Variants in KCNN2 observed in about 807,000 individuals in gnomAD.
KCNN2 encodes potassium calcium-activated channel subfamily N member 2.
KCNN2 carries 24 observed loss-of-function variants against 55.5 expected under a neutral mutation model. That is an observed-to-expected ratio of 0.43 (90% CI 0.31 to 0.61). The LOEUF (loss-of-function observed/expected upper bound fraction) is 0.61. Ranked by LOEUF, KCNN2 falls within the 20% of genes least tolerant of loss-of-function variation. The pLI is 0.08. For synonymous variants in KCNN2, 431 were observed against 336.1 expected, an observed-to-expected ratio of 1.28 and a Z score of -3.09; for missense variants, 754 against 853.6, an observed-to-expected ratio of 0.88 and a Z score of 1.45.
At chr5:114,081,360 G>C (rs1483059722) in intron 1 of KCNN2, among the ~76,000 whole-genome samples, 1 of 152,072 alleles carries the variant, frequency 6.6e-6, no homozygotes, top group South Asian at 2.1e-4. Context: ...AAAAAAATGG[G>C]AAGACTCATA....
At chr5:114,056,357 C>G (rs1456233174) in exon 1 of KCNN2, 1 of 398,526 alleles carries the variant, frequency 2.5e-6, no homozygotes, top group Non-Finnish European at 4.4e-6. Flanking sequence ...CAGATGGAAA[C>G]AGTTTCTCCC....
chr5:114,116,838 G>A (rs1751717002), intron 1 of KCNN2, among the ~76,000 whole-genome samples: 1 of 152,066 alleles, frequency 6.6e-6, no homozygotes, highest in South Asian at 2.1e-4. Flanking sequence ...AGAATGATTG[G>A]ATATTAGGGA....
intron 2 of KCNN2, among the ~76,000 whole-genome samples, chr5:114,237,237 T>A (rs1754516790): frequency 6.7e-6 from 1 of 148,258 alleles, no homozygotes; most frequent in Non-Finnish European, 1.5e-5. Flanking sequence ...TTCCATCTCC[T>A]GATGTGGGTT....
At chr5:114,256,981 C>G (rs564542168) in intron 2 of KCNN2, among the ~76,000 whole-genome samples, 1 of 152,190 alleles carries the variant, frequency 6.6e-6, no homozygotes, top group African/African-American at 2.4e-5. Flanking sequence ...TCTTCTAGGA[C>G]TTTAATAGTT....
At chr5:114,208,712 G>A (rs550558771) in intron 1 of KCNN2, among the ~76,000 whole-genome samples, 1 of 152,268 alleles carries the variant, frequency 6.6e-6, no homozygotes, top group East Asian at 1.9e-4. Context: ...ACTAGGGTAA[G>A]CATCTTGTTT....
chr5:114,233,167 G>A (rs1029172901), intron 2 of KCNN2, among the ~76,000 whole-genome samples: 12 of 150,960 alleles, frequency 7.9e-5, no homozygotes, highest in Non-Finnish European at 1.5e-4. Flanking sequence ...TGATCCGCCC[G>A]CCTCGGCCTC....
At chr5:114,198,579 G>A (rs1753607424) in intron 1 of KCNN2, among the ~76,000 whole-genome samples, 2 of 151,796 alleles carry the variant, frequency 1.3e-5, no homozygotes, top group Non-Finnish European at 2.9e-5. Context: ...ACGTGTATAG[G>A]TATCATTTAA....
Position 114,362,648 on chromosome 5 carries a change from C to A in KCNN2, c.509C>A (p.Thr170Lys). Residue 170 changes from threonine to lysine, a missense_variant, in exon 1 of 8, where the codon ACG (threonine) becomes AAG (lysine). Thr to Lys is a moderately conservative substitution (Grantham distance 78). Transcript: ENST00000673685. ...CHSLQPAASP[T>K]GSLGSLGSGP... ...AGCCTGCAGCCCGCCGCCAGCCCCA[C>A]GGGCAGCCTCGGCAGTCTGGGCTCC... 2.3e-6 allele frequency: 3 copies of A among 1,299,598 alleles called. No individual in the cohort carries two copies. The highest frequency in any genetic ancestry group is 3.1e-6 in the Non-Finnish European group (3 of 980,354). The allele number at this position is 1,299,598 out of a possible 1,614,324, so 80.5% of individuals were successfully genotyped here.
At chr5:114,432,310 A>G (rs1296003319) in intron 3 of KCNN2, among the ~76,000 whole-genome samples, 2 of 152,214 alleles carry the variant, frequency 1.3e-5, no homozygotes, top group Admixed American at 1.3e-4. Context: ...TGACCTTTTA[A>G]CATTATGTAA....
At chr5:114,199,458 T>C (rs1233272438) in intron 1 of KCNN2, among the ~76,000 whole-genome samples, 1 of 152,140 alleles carries the variant, frequency 6.6e-6, no homozygotes, top group African/African-American at 2.4e-5. Context: ...CCTGTCATAT[T>C]ATTGATTGTT....
chr5:114,149,455 A>G (rs1402665252), intron 1 of KCNN2, among the ~76,000 whole-genome samples: 1 of 152,174 alleles, frequency 6.6e-6, no homozygotes, highest in Non-Finnish European at 1.5e-5. Flanking sequence ...CAAGATAGTG[A>G]AAGCTGGGTC....
chr5:114,385,019 A>G (rs559546034), intron 2 of KCNN2, among the ~76,000 whole-genome samples: 2 of 152,330 alleles, frequency 1.3e-5, no homozygotes, highest in East Asian at 1.9e-4. Context: ...AGTTTATTTT[A>G]ATAAATGTGG....
chr5:114,244,772 C>T (rs6894277), intron 2 of KCNN2, among the ~76,000 whole-genome samples: 55,333 of 151,860 alleles, frequency 0.36, 10,590 homozygotes, highest in East Asian at 0.73. Flanking sequence ...TGTCAATTAA[C>T]GGTGGTATCT....
intron 2 of KCNN2, among the ~76,000 whole-genome samples, chr5:114,342,912 A>G (rs1757041410): frequency 6.6e-6 from 1 of 152,104 alleles, no homozygotes; most frequent in Non-Finnish European, 1.5e-5. Flanking sequence ...TACATAGGTA[A>G]ACGCATGCCA....
intron 3 of KCNN2, among the ~76,000 whole-genome samples, chr5:114,441,791 T>C (rs969647172): frequency 5.9e-5 from 9 of 152,184 alleles, no homozygotes; most frequent in Non-Finnish European, 1.3e-4. Flanking sequence ...TATATGTCTC[T>C]AAAACAAGAG....
chr5:114,428,890 T>C (rs1320870718), intron 3 of KCNN2, among the ~76,000 whole-genome samples: 1 of 152,142 alleles, frequency 6.6e-6, no homozygotes, highest in African/African-American at 2.4e-5. Flanking sequence ...CCATATCTTT[T>C]TGTGGCTTGA....
intron 2 of KCNN2, among the ~76,000 whole-genome samples, chr5:114,374,910 T>C (rs1248203776): frequency 6.6e-6 from 1 of 152,166 alleles, no homozygotes; most frequent in African/African-American, 2.4e-5. Flanking sequence ...TGTTTCCAGG[T>C]AGTTTGACCA....
At chr5:114,364,587 A>G (rs1398165017) in intron 2 of KCNN2, among the ~76,000 whole-genome samples, 1 of 151,952 alleles carries the variant, frequency 6.6e-6, no homozygotes, top group African/African-American at 2.4e-5. Flanking sequence ...AATGTAATTT[A>G]AGAGTTAAGG....
intron 2 of KCNN2, among the ~76,000 whole-genome samples, chr5:114,330,685 C>A (rs1174867132): frequency 6.6e-6 from 1 of 152,184 alleles, no homozygotes; most frequent in African/African-American, 2.4e-5. Flanking sequence ...TCCCACTCAA[C>A]CTTTGGAGTG....
Sources: allele counts gnomAD v4.1 joint callset (sites outside exome capture counted in the v4.1 genomes callset), GRCh38; gene constraint gnomAD v4.1.1; transcripts MANE v1.5; gene names NCBI Gene and HGNC (gene_info 2026-07-23, HGNC 2026-07-21).